EBF2: variants seen among roughly 807,000 people sequenced by gnomAD.
EBF2 encodes the protein transcription factor COE2.
Under a neutral mutation model 72.8 loss-of-function variants are expected in EBF2, and 21 were observed. The observed-to-expected ratio is 0.29, with a 90% CI of 0.20 to 0.42. The LOEUF is 0.42. Ranked by LOEUF, EBF2 falls within the 10% of genes least tolerant of loss-of-function variation. The pLI, the probability that EBF2 is intolerant of heterozygous loss-of-function variation, is 1.00. For synonymous variants in EBF2, 299 were observed against 274.2 expected, an observed-to-expected ratio of 1.09 and a Z score of -0.89; for missense variants, 637 against 731.2, an observed-to-expected ratio of 0.87 and a Z score of 1.49.
chr8:26,009,397 A>G (rs904933415), intron 6 of EBF2, among the ~76,000 whole-genome samples: 1 of 152,242 alleles, frequency 6.6e-6, no homozygotes, highest in Non-Finnish European at 1.5e-5. Flanking sequence ...CACAAGTCAG[A>G]TCACACATCA....
At chr8:26,032,813 G>A (rs937001946) in intron 6 of EBF2, 14 of 356,100 alleles carry the variant, frequency 3.9e-5, no homozygotes, top group African/African-American at 8.2e-5. Flanking sequence ...AGGTGCCATC[G>A]CTTATATCCT....
At chr8:25,924,785 T>G (rs902459571) in intron 6 of EBF2, among the ~76,000 whole-genome samples, 3 of 152,230 alleles carry the variant, frequency 2.0e-5, no homozygotes. Context: ...TTTTGATTCT[T>G]GCAAATATAT....
chr8:25,963,062 C>G (rs1280109416), intron 6 of EBF2, among the ~76,000 whole-genome samples: 2 of 152,114 alleles, frequency 1.3e-5, no homozygotes, highest in Non-Finnish European at 2.9e-5. Flanking sequence ...AGTCCAAGGC[C>G]TTTGTTGTCA....
chr8:25,912,019 C>G (rs1336295442), intron 6 of EBF2, among the ~76,000 whole-genome samples: 1 of 152,128 alleles, frequency 6.6e-6, no homozygotes, highest in Non-Finnish European at 1.5e-5. Context: ...TATCACAGAT[C>G]AGAGCCACCT....
chr8:26,024,458 A>G (rs1326363418), intron 6 of EBF2, among the ~76,000 whole-genome samples: 1 of 152,184 alleles, frequency 6.6e-6, no homozygotes, highest in Admixed American at 6.6e-5. Flanking sequence ...CCATGGCATA[A>G]TAGGCCCTTG....
At chr8:25,980,510 G>A (rs555614792) in intron 6 of EBF2, among the ~76,000 whole-genome samples, 1 of 152,196 alleles carries the variant, frequency 6.6e-6, no homozygotes, top group African/African-American at 2.4e-5. Flanking sequence ...GGCCTCCAAT[G>A]CTCCTCCTCC....
rs372452368 is a variant in EBF2 at position 25,858,305 on chromosome 8, G to C, written c.1528+14C>G. ...AAAAAGCATGGAGAGCCAAGTGATG[G>C]AGAGGTCACTTACTTCCATAAGGAG... On this transcript the variant is annotated intron_variant, in intron 14 of 15. Transcript: ENST00000520164. The C allele has an allele frequency of 4.4e-5, 71 of 1,613,720 alleles. No individual in the cohort carries two copies. Among genetic ancestry groups the C allele is most frequent in the Admixed American group, 6.7e-5 (4 of 60,000 alleles).
At chr8:25,898,450 T>TAAAAA (rs112211291) in intron 7 of EBF2, among the ~76,000 whole-genome samples, 47 of 144,514 alleles carry the variant, frequency 3.3e-4, no homozygotes, top group Admixed American at 6.9e-4. Flanking sequence ...CAGTGGCAAT[T>TAAAAA]AAAAAAAAAA....
At chr8:25,945,108 G>GCCT (rs1585204180) in intron 6 of EBF2, among the ~76,000 whole-genome samples, 1 of 34,176 alleles carries the variant, frequency 2.9e-5, no homozygotes, top group Non-Finnish European at 6.8e-5. Context: ...CCCCACCCCA[G>GCCT]ACTCCTATGT....
chr8:26,020,259 G>A (rs532856902), intron 6 of EBF2, among the ~76,000 whole-genome samples: 4 of 152,134 alleles, frequency 2.6e-5, no homozygotes, highest in South Asian at 2.1e-4. Flanking sequence ...ATCCCTCCCC[G>A]GGGAAGGAGC....
intron 5 of EBF2, among the ~76,000 whole-genome samples, chr8:26,039,104 T>C (rs534901221): frequency 2.2e-4 from 33 of 152,280 alleles, no homozygotes; most frequent in African/African-American, 7.9e-4. Flanking sequence ...AGTTTCCTAT[T>C]TATATCCTTT....
intron 6 of EBF2, among the ~76,000 whole-genome samples, chr8:25,964,596 G>C (rs1436411541): frequency 1.3e-5 from 2 of 152,186 alleles, no homozygotes; most frequent in South Asian, 2.1e-4. Context: ...CCACATGTTT[G>C]ATATGTAGGG....
intron 6 of EBF2, among the ~76,000 whole-genome samples, chr8:25,943,885 C>T (rs1803721894): frequency 6.6e-6 from 1 of 152,042 alleles, no homozygotes; most frequent in Non-Finnish European, 1.5e-5. Context: ...CCAGATAATC[C>T]CCAAGACTGC....
chr8:26,034,950 C>A (rs1805473329), intron 5 of EBF2, among the ~76,000 whole-genome samples: 2 of 152,138 alleles, frequency 1.3e-5, no homozygotes, highest in South Asian at 4.1e-4. Flanking sequence ...TGTCTTTAAC[C>A]CCTCTGGGCT....
chr8:25,856,627 T>C (rs550428793), intron 14 of EBF2, among the ~76,000 whole-genome samples: 15 of 152,354 alleles, frequency 9.8e-5, no homozygotes, highest in African/African-American at 3.1e-4. Flanking sequence ...GTCACTGTTA[T>C]ATCATTGTTT....
intron 10 of EBF2, among the ~76,000 whole-genome samples, chr8:25,878,021 C>T (rs1022180583): frequency 6.6e-6 from 1 of 152,102 alleles, no homozygotes. Flanking sequence ...ATAATTGGCA[C>T]CAGAGCTTTA....
chr8:25,855,825 C>T (rs1199174332), intron 14 of EBF2, among the ~76,000 whole-genome samples: 1 of 152,180 alleles, frequency 6.6e-6, no homozygotes, highest in Non-Finnish European at 1.5e-5. Context: ...TTCAGACCCT[C>T]CCTCCAAAAG....
At chr8:25,992,222 G>T (rs1804556010) in intron 6 of EBF2, among the ~76,000 whole-genome samples, 1 of 147,540 alleles carries the variant, frequency 6.8e-6, no homozygotes, top group Admixed American at 7.0e-5. Context: ...CGCCTGTAAT[G>T]CCAGCTGAAG....
Position 26,042,150 on chromosome 8 carries a change from C to T in EBF2, c.233G>A (p.Gly78Asp). The change falls in exon 2 of 16, where the codon GGC becomes GAC. Residue 78 changes from glycine to aspartate, a missense_variant. Physicochemically the swap from Gly to Asp is moderately conservative, Grantham distance 94. Around this residue, in one of 3 missense-constraint regions of EBF2, gnomAD observed 174 missense variants for 161.9 expected, o/e 1.07. Transcript: ENST00000520164. ...HFVLALYDRQGQPVEIERTAF... is the reference protein window; with the variant it reads ...HFVLALYDRQDQPVEIERTAF... ...CGTCCGCTCGATCTCCACCGGCTGG[C>T]CCTGCCTGTCATAGAGCGCCAGGAC... 1.9e-6 allele frequency: 3 copies of T among 1,614,164 alleles called. No homozygotes were observed. The highest frequency in any genetic ancestry group is 2.7e-5 in the African/African-American group (2 of 75,054).
Sources: gnomAD v4.1 joint callset for allele counts (sites outside exome capture counted in the v4.1 genomes callset) on GRCh38, gnomAD v4.1.1 for gene constraint, gnomAD v4.1.1 regional missense constraint, MANE v1.5 for transcripts, NCBI Gene and HGNC (gene_info 2026-07-23, HGNC 2026-07-21) for gene names.